Variants in TRPM3 observed in about 807,000 individuals in gnomAD.
TRPM3 encodes transient receptor potential cation channel subfamily M member 3.
A neutral mutation model predicts 181.2 loss-of-function variants in TRPM3; 77 were observed. That is an observed-to-expected ratio of 0.42 (90% confidence interval 0.35 to 0.51). The LOEUF (loss-of-function observed/expected upper bound fraction) is 0.51, where lower values mean the gene tolerates loss of function less well. TRPM3 is among the 20% of genes least tolerant of loss of function. The pLI, the probability that TRPM3 is intolerant of heterozygous loss-of-function variation, is 0.01. For missense variants in TRPM3, 1,759 were observed against 2,196.7 expected, an observed-to-expected ratio of 0.80 and a Z score of 3.98; for synonymous variants, 745 against 796.4, an observed-to-expected ratio of 0.94 and a Z score of 1.09.
At chr9:71,441,746 C>T (rs976453452) in intron 1 of TRPM3, among the ~76,000 whole-genome samples, 3 of 151,530 alleles carry the variant, frequency 2.0e-5, no homozygotes, top group African/African-American at 7.3e-5. Flanking sequence ...GATTCTCTTG[C>T]CTCAGCCTCC....
intron 8 of TRPM3, among the ~76,000 whole-genome samples, chr9:70,748,332 G>A (rs537662551): frequency 6.6e-6 from 1 of 152,248 alleles, no homozygotes; most frequent in Non-Finnish European, 1.5e-5. Context: ...AGCCATAGCT[G>A]CCAGGGTACA....
At chr9:70,969,756 T>TTATATATATATATATATA (rs78938143) in intron 1 of TRPM3, among the ~76,000 whole-genome samples, 1,436 of 125,090 alleles carry the variant, frequency 0.011, 13 homozygotes, top group Non-Finnish European at 0.017. Flanking sequence ...CTGAATGATT[T>TTATATATATATATATATA]TATATATATA....
rs1224495421 is a variant in TRPM3 at position 70,997,085 on chromosome 9, G to A, written c.177+124093C>T. ...CATCTTGAGAAGTACCTAGATGGAC[G>A]ATATATTTCAATGACAGAGATAAAA... is the stretch of plus-strand genomic sequence containing the variant. On this transcript the variant is annotated intron_variant, in intron 1 of 25. Transcript: ENST00000677713. Among the ~76,000 whole-genome samples, 6 of 152,298 alleles carry A rather than the reference G, an allele frequency of 3.9e-5. No homozygotes were observed. The East Asian group carries it at 7.7e-4, about 20-fold the overall frequency.
intron 9 of TRPM3, among the ~76,000 whole-genome samples, chr9:70,662,859 C>CTACCAT (rs2061323173): frequency 6.6e-6 from 1 of 152,152 alleles, no homozygotes; most frequent in African/African-American, 2.4e-5. Flanking sequence ...AAAAGTAGAT[C>CTACCAT]TACCATTTAG....
At chr9:71,095,811 G>C (rs1310550155) in intron 1 of TRPM3, among the ~76,000 whole-genome samples, 5 of 149,338 alleles carry the variant, frequency 3.3e-5, no homozygotes, top group Admixed American at 2.7e-4. Context: ...GAGAAAGAGA[G>C]AGAGACTGAC....
chr9:71,226,606 G>A (rs1290828132), intron 1 of TRPM3, among the ~76,000 whole-genome samples: 2 of 151,960 alleles, frequency 1.3e-5, no homozygotes, highest in Non-Finnish European at 2.9e-5. Context: ...AATAATAAAG[G>A]AGTCAGTTCA....
intron 3 of TRPM3, among the ~76,000 whole-genome samples, chr9:70,861,444 A>G (rs1347828568): frequency 6.6e-6 from 1 of 152,166 alleles, no homozygotes; most frequent in African/African-American, 2.4e-5. Context: ...TCATATGCCT[A>G]CTGGGCTAAT....
At chr9:70,953,493 T>C (rs2097028171) in intron 1 of TRPM3, among the ~76,000 whole-genome samples, 2 of 152,146 alleles carry the variant, frequency 1.3e-5, no homozygotes, top group African/African-American at 4.8e-5. Context: ...AAATGTCTCC[T>C]GAGCACACAC....
chr9:71,426,265 A>G (rs2093861023), intron 1 of TRPM3, among the ~76,000 whole-genome samples: 1 of 148,686 alleles, frequency 6.7e-6, no homozygotes, highest in Non-Finnish European at 1.5e-5. Context: ...GAAAATAAAT[A>G]ATCTCTTCAG....
intron 1 of TRPM3, among the ~76,000 whole-genome samples, chr9:71,027,086 T>A (rs967013256): frequency 2.0e-5 from 3 of 152,116 alleles, no homozygotes; most frequent in African/African-American, 7.2e-5. Context: ...TGACCAGCAG[T>A]CTGGGAGCAC....
At chr9:70,858,310 C>T (rs1310532119) in intron 3 of TRPM3, among the ~76,000 whole-genome samples, 1 of 152,148 alleles carries the variant, frequency 6.6e-6, no homozygotes, top group Non-Finnish European at 1.5e-5. Flanking sequence ...ATGCCTTCCC[C>T]ATGCAAAGAT....
chr9:71,258,066 C>G (rs1241141450), intron 1 of TRPM3, among the ~76,000 whole-genome samples: 1 of 152,084 alleles, frequency 6.6e-6, no homozygotes, highest in Non-Finnish European at 1.5e-5. Context: ...TTTATATTTT[C>G]TAAGAGTGGA....
chr9:71,410,763 C>A (rs2093531908), intron 1 of TRPM3, among the ~76,000 whole-genome samples: 1 of 152,138 alleles, frequency 6.6e-6, no homozygotes, highest in Non-Finnish European at 1.5e-5. Context: ...TTTTATGAGG[C>A]CAGCATCATC....
chr9:70,981,046 G>C (rs1021017226), intron 1 of TRPM3, among the ~76,000 whole-genome samples: 1 of 152,120 alleles, frequency 6.6e-6, no homozygotes, highest in Admixed American at 6.5e-5. Flanking sequence ...GGGGAAGCTC[G>C]AGTCACATTA....
At chr9:71,411,008 A>T (rs12341360) in intron 1 of TRPM3, among the ~76,000 whole-genome samples, 3,708 of 152,282 alleles carry the variant, frequency 0.024, 90 homozygotes, top group African/African-American at 0.059. Flanking sequence ...AAACCACATG[A>T]TTATCTCAAT....
chr9:70,591,923 C>A (rs1425713154), intron 21 of TRPM3, among the ~76,000 whole-genome samples: 3 of 152,136 alleles, frequency 2.0e-5, no homozygotes, highest in African/African-American at 7.2e-5. Context: ...GAATCATGCA[C>A]CCTAATGACT....
chr9:70,792,175 T>C (rs907543617), intron 6 of TRPM3, among the ~76,000 whole-genome samples: 2 of 152,110 alleles, frequency 1.3e-5, no homozygotes, highest in Non-Finnish European at 2.9e-5. Flanking sequence ...TGGACTTACA[T>C]GGATGTCAGA....
At chr9:70,868,901 G>A (rs888228973) in intron 1 of TRPM3, 1 of 753,550 alleles carries the variant, frequency 1.3e-6, no homozygotes, top group Non-Finnish European at 1.6e-6. Flanking sequence ...AGCCTCCCTC[G>A]GTGTTGATCT....
At chr9:70,634,169 G>C (rs2066439655) in intron 12 of TRPM3, among the ~76,000 whole-genome samples, 1 of 152,124 alleles carries the variant, frequency 6.6e-6, no homozygotes, top group Non-Finnish European at 1.5e-5. Flanking sequence ...GAGTGCAGTG[G>C]CACGATCTTG....
Sources: gnomAD v4.1 joint callset for allele counts (sites outside exome capture counted in the v4.1 genomes callset) on GRCh38, gnomAD v4.1.1 for gene constraint, MANE v1.5 for transcripts, NCBI Gene and HGNC (gene_info 2026-07-23, HGNC 2026-07-21) for gene names.